The following NUP210L variants were observed in gnomAD, a reference collection of about 807,000 sequenced individuals.
NUP210L encodes nucleoporin 210 like, also known as nuclear pore membrane glycoprotein 210-like.
A neutral mutation model predicts 208.5 loss-of-function variants in NUP210L; 74 were observed. That is an observed-to-expected ratio of 0.35 (90% confidence interval 0.29 to 0.43). The LOEUF (loss-of-function observed/expected upper bound fraction) is 0.43, where lower values mean the gene tolerates loss of function less well. Ranked by LOEUF, NUP210L falls within the 20% of genes least tolerant of loss-of-function variation. The pLI is 1.00. For synonymous variants in NUP210L, 780 were observed against 816.9 expected (o/e 0.95, Z 0.77); for missense variants, 1,843 against 2,289.4 (o/e 0.81, Z 3.98).
chr1:154,005,033 T>C (rs548245699), intron 35 of NUP210L, among the ~76,000 whole-genome samples: 3 of 150,794 alleles, frequency 2.0e-5, no homozygotes, highest in African/African-American at 7.3e-5. Context: ...TTTGTATTTT[T>C]AGTAGAGACA....
At chr1:154,117,338 TG>T (rs1657381056) in intron 12 of NUP210L, among the ~76,000 whole-genome samples, 3 of 152,192 alleles carry the variant, frequency 2.0e-5, no homozygotes, top group African/African-American at 7.2e-5. Context: ...CCCAGCACTT[TG>T]GGAGGCCGAG....
intron 17 of NUP210L, among the ~76,000 whole-genome samples, chr1:154,068,108 A>G (rs535335533): frequency 8.5e-5 from 13 of 152,300 alleles, no homozygotes; most frequent in Non-Finnish European, 1.6e-4. Context: ...AGAACCAAAA[A>G]AGAGCCCACA....
chr1:154,109,144 A>G (rs1656918545), intron 12 of NUP210L, among the ~76,000 whole-genome samples: 1 of 151,600 alleles, frequency 6.6e-6, no homozygotes, highest in African/African-American at 2.4e-5. Flanking sequence ...TGTTGCCTAC[A>G]AGAAACATGC....
At chr1:154,018,899 C>T in intron 33 of NUP210L, 34 bp downstream of exon 33, 3 of 1,609,886 alleles carry the variant, frequency 1.9e-6, no homozygotes, top group Non-Finnish European at 1.7e-6. Flanking sequence ...AATAGTCACC[C>T]TAGTCTCTTA....
At chr1:154,116,694 CT>C (rs1290442149) in intron 12 of NUP210L, among the ~76,000 whole-genome samples, 2 of 151,842 alleles carry the variant, frequency 1.3e-5, no homozygotes, top group Non-Finnish European at 2.9e-5. Context: ...TGCCATTGCC[CT>C]CCAGTCTGGG....
At chr1:154,130,947 T>C (rs149323814) in intron 7 of NUP210L, among the ~76,000 whole-genome samples, 261 of 152,182 alleles carry the variant, frequency 1.7e-3, no homozygotes, top group African/African-American at 6.0e-3. Flanking sequence ...AGTTCTGATA[T>C]GTACTTTACC....
chr1:154,061,852 G>A (rs950997616), intron 17 of NUP210L, among the ~76,000 whole-genome samples, 178 bp from the exon 18 acceptor site: 1 of 152,110 alleles, frequency 6.6e-6, no homozygotes, highest in Non-Finnish European at 1.5e-5. Flanking sequence ...TTTTTGTTTT[G>A]AGATGGAGTG....
intron 6 of NUP210L, among the ~76,000 whole-genome samples, chr1:154,137,211 CA>C (rs1658594091): frequency 6.6e-6 from 1 of 151,632 alleles, no homozygotes; most frequent in Non-Finnish European, 1.5e-5. Flanking sequence ...TCACTTGGGA[CA>C]AGGAGTTCAA....
At chr1:154,022,427 A>G in intron 31 of NUP210L, 84 bp from the exon 32 acceptor site, 2 of 1,061,740 alleles carry the variant, frequency 1.9e-6, no homozygotes, top group East Asian at 2.4e-5. Context: ...ACCACATTTT[A>G]TATTCAACAG....
chr1:154,021,984 C>A, intron 32 of NUP210L, 142 bp downstream of exon 32: 1 of 702,042 alleles, frequency 1.4e-6, no homozygotes, highest in Non-Finnish European at 2.4e-6. Flanking sequence ...ACCTCTCCAG[C>A]TTGGCCTCCC....
At chr1:154,005,588 G>GTT (rs1369771712) in intron 35 of NUP210L, among the ~76,000 whole-genome samples, 1 of 151,788 alleles carries the variant, frequency 6.6e-6, no homozygotes, top group Non-Finnish European at 1.5e-5. Context: ...CTAGGCTGGA[G>GTT]TGCAATGATG....
intron 35 of NUP210L, among the ~76,000 whole-genome samples, chr1:154,004,456 C>T (rs1650391961): frequency 6.6e-6 from 1 of 152,010 alleles, no homozygotes; most frequent in Non-Finnish European, 1.5e-5. Flanking sequence ...CAAGCTCTGC[C>T]TCCCTGGTTC....
chr1:154,130,639 T>G (rs1658202967), intron 7 of NUP210L, among the ~76,000 whole-genome samples: 1 of 141,344 alleles, frequency 7.1e-6, no homozygotes, highest in South Asian at 2.3e-4. Flanking sequence ...CTGAGTGCAG[T>G]GGTACAATCA....
rs539286126 is a variant in NUP210L at position 154,099,503 on chromosome 1, A to G, written c.1965+495T>C. Among the ~76,000 whole-genome samples, 10 of 152,350 alleles carry G rather than the reference A, an allele frequency of 6.6e-5. No individual in the cohort carries two copies. The South Asian group carries it at 2.1e-3, about 32-fold the overall frequency. Reference sequence around the variant, plus strand: ...CATACTGTCTCCATTATAATGAACCAGTCCTTAGGGCTCAATATAATGGCT... The same window carrying G: ...CATACTGTCTCCATTATAATGAACCGGTCCTTAGGGCTCAATATAATGGCT... On this transcript the variant is annotated intron_variant, in intron 14 of 39. Transcript: ENST00000368559.
chr1:154,074,571 C>T (rs1654940130), intron 16 of NUP210L, among the ~76,000 whole-genome samples: 1 of 151,550 alleles, frequency 6.6e-6, no homozygotes. Flanking sequence ...TCACTGCAAC[C>T]CCTGCCTCCC....
chr1:154,105,209 G>T (rs944763081), intron 12 of NUP210L, among the ~76,000 whole-genome samples: 4 of 146,642 alleles, frequency 2.7e-5, no homozygotes, highest in African/African-American at 1.0e-4. Flanking sequence ...TTGGGCCTTG[G>T]CCGGGTGCAG....
intron 32 of NUP210L, among the ~76,000 whole-genome samples, chr1:154,020,816 C>G (rs1411565587): frequency 6.6e-6 from 1 of 151,998 alleles, no homozygotes; most frequent in Admixed American, 6.6e-5. Context: ...TGAGTCACTA[C>G]ACCCGGCCTT....
chr1:154,127,172 T>A, intron 9 of NUP210L, 139 bp downstream of exon 9: 1 of 448,844 alleles, frequency 2.2e-6, no homozygotes, highest in Middle Eastern at 4.6e-4. Context: ...AATAATAAAT[T>A]AGCAACTTGC....
At chr1:154,085,204 G>T (rs1396045826) in intron 16 of NUP210L, among the ~76,000 whole-genome samples, 4 of 149,308 alleles carry the variant, frequency 2.7e-5, no homozygotes, top group African/African-American at 4.9e-5. Flanking sequence ...AAAAAAAATA[G>T]CCAGGCTTGG....
Sources: allele counts gnomAD v4.1 joint callset (sites outside exome capture counted in the v4.1 genomes callset), GRCh38; gene constraint gnomAD v4.1.1; transcripts MANE v1.5; gene names NCBI Gene and HGNC (gene_info 2026-07-23, HGNC 2026-07-21).